TSPAN7: variants seen among roughly 807,000 people sequenced by gnomAD.
TSPAN7 encodes the protein tetraspanin-7.
A neutral mutation model predicts 17.6 loss-of-function variants in TSPAN7; 1 was observed. The observed-to-expected ratio is 0.06, with a 90% CI of 0.02 to 0.27. TSPAN7 has a LOEUF of 0.27. Ranked by LOEUF, TSPAN7 falls within the 10% of genes least tolerant of loss-of-function variation. TSPAN7 has a pLI of 1.00. For synonymous variants in TSPAN7, 78 were observed against 79.0 expected (o/e 0.99, Z 0.07); for missense variants, 112 against 201.7 (o/e 0.56, Z 2.69).
At chrX:38,586,166 T>C (rs2069257862) in intron 1 of TSPAN7, among the ~76,000 whole-genome samples, 1 of 112,324 alleles carries the variant, frequency 8.9e-6, no homozygotes, top group Non-Finnish European at 1.9e-5. Context: ...GTGAGCCTTC[T>C]TTACTACCTT....
At chrX:38,594,142 A>G (rs955460432) in intron 1 of TSPAN7, among the ~76,000 whole-genome samples, 4 of 111,857 alleles carry the variant, frequency 3.6e-5, no homozygotes, top group Admixed American at 9.4e-5. Flanking sequence ...TAAGAAACAC[A>G]TTTACTAACT....
At chrX:38,579,455 A>C (rs1052572570) in intron 1 of TSPAN7, among the ~76,000 whole-genome samples, 3 of 109,867 alleles carry the variant, frequency 2.7e-5, no homozygotes, top group African/African-American at 1.0e-4. Flanking sequence ...GTGTGGTAGC[A>C]TGCGCCTATA....
At chrX:38,598,830 A>G (rs767103457) in intron 1 of TSPAN7, among the ~76,000 whole-genome samples, 2 of 112,087 alleles carry the variant, frequency 1.8e-5, no homozygotes, top group African/African-American at 6.5e-5. Context: ...AGGAAAGTGA[A>G]GAAATTAGTT....
chrX:38,578,279 A>G (rs2069208044), intron 1 of TSPAN7, among the ~76,000 whole-genome samples: 1 of 111,754 alleles, frequency 8.9e-6, no homozygotes, highest in African/African-American at 3.3e-5. Flanking sequence ...CTTGCTGATA[A>G]TAGGTGTAAT....
intron 1 of TSPAN7, among the ~76,000 whole-genome samples, chrX:38,579,066 G>A (rs2069212594): frequency 9.0e-6 from 1 of 111,654 alleles, no homozygotes; most frequent in African/African-American, 3.3e-5. Flanking sequence ...ACTTCTTTCT[G>A]TGTGCTTTTC....
At chrX:38,597,573 A>G (rs887471568) in intron 1 of TSPAN7, among the ~76,000 whole-genome samples, 11 of 111,660 alleles carry the variant, frequency 9.9e-5, no homozygotes, top group African/African-American at 3.6e-4. Context: ...GTGTCTTTAA[A>G]CAAACACATA....
In TSPAN7 at chrX:38,584,901, C is replaced by A. The variant is rs781131280; in HGVS notation, c.81+23274C>A. 1.8e-4 allele frequency among the ~76,000 whole-genome samples: 20 copies of A among 111,868 alleles called. No homozygotes were observed. The Admixed American group carries it at 1.9e-3, about 11-fold the overall frequency. ...TAGTTGTACCACCTATGAATGAACT[C>A]TTAAGTGGCCAAATTCTTTTCTCTT... On this transcript the variant is annotated intron_variant, in intron 1 of 7. Coordinates refer to ENST00000378482, the MANE Select transcript of TSPAN7 (RefSeq NM_004615.4).
At chrX:38,679,720 CA>C (rs5902196) in intron 5 of TSPAN7, among the ~76,000 whole-genome samples, 7 of 79,847 alleles carry the variant, frequency 8.8e-5, no homozygotes, top group Admixed American at 4.0e-4. Flanking sequence ...GACTCTGTCT[CA>C]AAAAAAAAAG....
intron 1 of TSPAN7, among the ~76,000 whole-genome samples, chrX:38,580,836 G>A (rs1446870748): frequency 9.0e-6 from 1 of 111,546 alleles, no homozygotes; most frequent in Non-Finnish European, 1.9e-5. Flanking sequence ...ACTGAGCCCA[G>A]TGCACGATTC....
intron 1 of TSPAN7, among the ~76,000 whole-genome samples, chrX:38,642,691 C>A (rs1024756670): frequency 8.9e-6 from 1 of 111,845 alleles, no homozygotes; most frequent in Non-Finnish European, 1.9e-5. Flanking sequence ...CAAGAGTAAG[C>A]AGCTGGAGGG....
chrX:38,614,812 G>A (rs1020764847), intron 1 of TSPAN7, among the ~76,000 whole-genome samples: 1 of 111,959 alleles, frequency 8.9e-6, no homozygotes, highest in African/African-American at 3.2e-5. Context: ...GTGCAGTAAT[G>A]AAGGACTTAT....
At chrX:38,585,016 A>G (rs1036104336) in intron 1 of TSPAN7, among the ~76,000 whole-genome samples, 1 of 112,125 alleles carries the variant, frequency 8.9e-6, no homozygotes. Context: ...AGATCCATCC[A>G]TGTTGCTGCT....
chrX:38,629,173 T>G (rs768489930), intron 1 of TSPAN7, among the ~76,000 whole-genome samples: 1 of 112,540 alleles, frequency 8.9e-6, no homozygotes, highest in Admixed American at 9.4e-5. Context: ...GATTTCACAC[T>G]TAGAGCACAT....
intron 1 of TSPAN7, among the ~76,000 whole-genome samples, chrX:38,638,959 T>C (rs1392103021): frequency 9.0e-6 from 1 of 111,462 alleles, no homozygotes; most frequent in Non-Finnish European, 1.9e-5. Flanking sequence ...TTTCATGCTT[T>C]AATAGGTAGA....
chrX:38,682,182 T>A (rs1319218355), intron 6 of TSPAN7, among the ~76,000 whole-genome samples: 1 of 110,286 alleles, frequency 9.1e-6, no homozygotes, highest in Non-Finnish European at 1.9e-5. Flanking sequence ...TCTCATTTTT[T>A]ATTATTTTTT....
chrX:38,636,472 A>T lies in TSPAN7; in HGVS notation c.82-29649A>T, dbSNP rs148746683. Among the ~76,000 whole-genome samples, 9 of 111,881 alleles carry T rather than the reference A, an allele frequency of 8.0e-5. No homozygotes were observed. In the East Asian group the frequency reaches 1.4e-3, roughly 17 times the overall value. ...AAATCCCCAAGATAAGTTTTGGATGAGAATGAACTCAAAGATCAGAGCATC... is the reference window on the plus strand; with the variant it reads ...AAATCCCCAAGATAAGTTTTGGATGTGAATGAACTCAAAGATCAGAGCATC... On this transcript the variant is annotated intron_variant, in intron 1 of 7. Transcript: ENST00000378482.
At chrX:38,589,561 G>A (rs2069278951) in intron 1 of TSPAN7, among the ~76,000 whole-genome samples, 1 of 111,902 alleles carries the variant, frequency 8.9e-6, no homozygotes, top group African/African-American at 3.2e-5. Context: ...CCCATTAATT[G>A]TATAAGAAAA....
chrX:38,572,178 T>C (rs1204849077), intron 1 of TSPAN7, among the ~76,000 whole-genome samples: 2 of 111,772 alleles, frequency 1.8e-5, no homozygotes, highest in East Asian at 5.6e-4. Flanking sequence ...TGAAGCAGAT[T>C]ACTGATCTTT....
intron 1 of TSPAN7, chrX:38,646,272 CTGCAGGATT>C: frequency 8.7e-7 from 1 of 1,153,775 alleles, no homozygotes. Flanking sequence ...AAAGAAAAGG[CTGCAGGATT>C]TTGTGGCAGA....
Sources: gnomAD v4.1 joint callset for allele counts (sites outside exome capture counted in the v4.1 genomes callset) on GRCh38, gnomAD v4.1.1 for gene constraint, MANE v1.5 for transcripts, NCBI Gene and HGNC (gene_info 2026-07-23, HGNC 2026-07-21) for gene names.